Variants in DENND5A observed in about 807,000 individuals in gnomAD.
The protein encoded by DENND5A is DENN domain containing 5A.
A neutral mutation model predicts 140.3 loss-of-function variants in DENND5A; 64 were observed. That is an observed-to-expected ratio of 0.46 (90% CI 0.37 to 0.56). DENND5A has a LOEUF of 0.56. Ranked by LOEUF, DENND5A falls within the 20% of genes least tolerant of loss-of-function variation. The probability of loss-of-function intolerance (pLI) is 0.00; values close to 1 mark genes in which losing one functional copy is unlikely to be tolerated. For missense variants in DENND5A, 1,292 were observed against 1,593.8 expected (o/e 0.81, Z 3.22); for synonymous variants, 605 against 607.7 (o/e 1.00, Z 0.07).
chr11:9,198,394 C>G (rs1404438800), intron 4 of DENND5A, among the ~76,000 whole-genome samples: 1 of 151,300 alleles, frequency 6.6e-6, no homozygotes, highest in Admixed American at 6.6e-5. Flanking sequence ...GGGTGGATCA[C>G]GAGGTCAAGA....
chr11:9,184,658 G>T (rs1221670990), intron 5 of DENND5A, among the ~76,000 whole-genome samples: 1 of 152,134 alleles, frequency 6.6e-6, no homozygotes, highest in Admixed American at 6.5e-5. Context: ...GCATAAAATG[G>T]CACTGCATCG....
At chr11:9,201,193 C>G (rs965393992) in intron 4 of DENND5A, among the ~76,000 whole-genome samples, 5 of 151,546 alleles carry the variant, frequency 3.3e-5, no homozygotes, top group Non-Finnish European at 5.9e-5. Flanking sequence ...AAGCAAGAAC[C>G]TAGCTCTACA....
In DENND5A at chr11:9,145,792, C is replaced by G; in HGVS notation, c.2881G>C (p.Val961Leu). The G allele has an allele frequency of 6.2e-7, 1 of 1,614,104 alleles. No homozygotes were observed. Among genetic ancestry groups the G allele is most frequent in the Admixed American group, 1.7e-5 (1 of 60,018 alleles). Residue 961 changes from valine to leucine, a missense_variant, in exon 17 of 23, where the codon GTA becomes CTA. By Grantham distance (32) the Val-to-Leu change is conservative. This residue lies in a region of DENND5A where 498 missense variants were observed against 689.7 expected (regional missense o/e 0.72). Transcript: ENST00000328194. ...TILIPYHILI[V>L]PSKKLGGSMF... ...GAGCCCCCCAGCTTCTTGCTTGGTA[C>G]GATCAGAATGTGGTACGGGATCACT...
intron 4 of DENND5A, among the ~76,000 whole-genome samples, chr11:9,195,020 CTTT>C (rs574310334): frequency 8.4e-6 from 1 of 119,110 alleles, no homozygotes. Flanking sequence ...CCCAGCCAGC[CTTT>C]TTTTTTTTTT....
At chr11:9,248,324 T>C (rs936835262) in intron 1 of DENND5A, among the ~76,000 whole-genome samples, 2 of 152,024 alleles carry the variant, frequency 1.3e-5, no homozygotes, top group Non-Finnish European at 2.9e-5. Flanking sequence ...TTGTCAGTCT[T>C]ATGATCTCCA....
intron 11 of DENND5A, among the ~76,000 whole-genome samples, chr11:9,164,194 ATTTTTTTTTTTTTTTTTTTTTTT>A (rs779522112): frequency 7.3e-4 from 58 of 79,064 alleles, no homozygotes; most frequent in South Asian, 2.3e-3. Context: ...ACCACGCCTA[ATTTTTTTTTTTTTTTTTTTTTTT>A]TTTTTTTTTT....
At chr11:9,243,466 C>A (rs1276533073) in intron 1 of DENND5A, among the ~76,000 whole-genome samples, 1 of 152,174 alleles carries the variant, frequency 6.6e-6, no homozygotes, top group Non-Finnish European at 1.5e-5. Context: ...CATAGATTTT[C>A]TTCCACCTCT....
At chr11:9,169,495 GCACACACACA>G (rs59297086) in intron 10 of DENND5A, among the ~76,000 whole-genome samples, 29 of 145,714 alleles carry the variant, frequency 2.0e-4, no homozygotes, top group East Asian at 1.0e-3. Flanking sequence ...ATATACACAC[GCACACACACA>G]CACACACACA....
intron 1 of DENND5A, among the ~76,000 whole-genome samples, chr11:9,240,947 A>C (rs1851210071): frequency 6.6e-6 from 1 of 152,186 alleles, no homozygotes; most frequent in African/African-American, 2.4e-5. Context: ...TTCTAAACTT[A>C]AGCAGTCCAA....
chr11:9,218,326 A>G (rs1167888765), intron 1 of DENND5A, among the ~76,000 whole-genome samples: 2 of 152,198 alleles, frequency 1.3e-5, no homozygotes, highest in African/African-American at 4.8e-5. Flanking sequence ...TTAAAACTCA[A>G]CAGAAGAGTT....
At chr11:9,191,978 C>T (rs1223226664) in intron 5 of DENND5A, among the ~76,000 whole-genome samples, 1 of 152,134 alleles carries the variant, frequency 6.6e-6, no homozygotes, top group Admixed American at 6.5e-5. Flanking sequence ...CAAAAAACCC[C>T]AATATTATCT....
rs1847170311 is a variant in DENND5A at position 9,139,680 on chromosome 11, G to A, written c.3855C>T (p.Ile1285=). 5 of 1,613,286 alleles carry A rather than the reference G, an allele frequency of 3.1e-6. No homozygotes were observed. The highest frequency in any genetic ancestry group is 1.7e-4 in the Middle Eastern group (1 of 6,052). The part of the protein sequence containing the change: ...ITLETSLVKG[I]DI ...GGCTGGTGCTGGGAGGTCAGATGTC[G>A]ATGCCCTTGACAAGGGACGTCTCCA... Residue 1285 remains isoleucine, a synonymous_variant, in exon 23 of 23, where the codon ATC becomes ATT. Coordinates refer to ENST00000328194, the MANE Select transcript of DENND5A (RefSeq NM_015213.4).
rs548378061 is a variant in DENND5A, at chr11:9,145,087, A to G, written c.3030T>C (p.Thr1010=). ...FECQNLGKLT[T]VQIGHDNSGL... Reference sequence around the variant, plus strand: ...CAGAGTTATCATGGCCAATCTGGACAGTAGTAAGCTTCCCCAAGTTCTGGC... The same window carrying G: ...CAGAGTTATCATGGCCAATCTGGACGGTAGTAAGCTTCCCCAAGTTCTGGC... The change falls in exon 18 of 23, where the codon ACT becomes ACC. Residue 1010 remains threonine, a synonymous_variant. Coordinates refer to ENST00000328194, the MANE Select transcript of DENND5A (RefSeq NM_015213.4). 28 of 1,614,072 alleles carry G rather than the reference A, an allele frequency of 1.7e-5. No individual in the cohort carries two copies. In the Admixed American group the frequency reaches 3.8e-4, roughly 22 times the overall value.
At chr11:9,194,841 T>C (rs1300181430) in intron 4 of DENND5A, among the ~76,000 whole-genome samples, 1 of 150,664 alleles carries the variant, frequency 6.6e-6, no homozygotes, top group Non-Finnish European at 1.5e-5. Context: ...TGCCTCAGCC[T>C]CCCGAGTAGC....
chr11:9,160,818 T>C lies in DENND5A; in HGVS notation c.2331A>G (p.Leu777=). 6.2e-7 allele frequency: 1 copy of C among 1,614,148 alleles called. No homozygotes were observed. Among genetic ancestry groups the C allele is most frequent in the Non-Finnish European group, 8.5e-7 (1 of 1,179,978 alleles). Residue 777 remains leucine (L), a synonymous_variant, in exon 12 of 23, where the codon CTA becomes CTG. Transcript: ENST00000328194. ...VEKMGREAVE[L]GHGEVNITGV... ...CTGTGATGTTCACCTCCCCATGCCC[T>C]AGCTCCACAGCTTCTCGGCCCATCT...
chr11:9,159,510 G>C (rs1203650239), intron 12 of DENND5A, among the ~76,000 whole-genome samples: 1 of 151,958 alleles, frequency 6.6e-6, no homozygotes, highest in African/African-American at 2.4e-5. Flanking sequence ...TAGAGACGGG[G>C]TTTCACCATG....
intron 1 of DENND5A, among the ~76,000 whole-genome samples, chr11:9,230,855 G>A (rs1850741258): frequency 6.6e-6 from 1 of 152,036 alleles, no homozygotes; most frequent in Admixed American, 6.6e-5. Context: ...TAGGCATGGT[G>A]GCACACATTT....
intron 1 of DENND5A, among the ~76,000 whole-genome samples, chr11:9,262,686 A>G (rs868801051): frequency 1.5e-4 from 23 of 152,308 alleles, no homozygotes; most frequent in African/African-American, 5.5e-4. Flanking sequence ...TACTATAAGA[A>G]TTTGAAGACC....
chr11:9,178,133 T>G lies in DENND5A; in HGVS notation c.1905A>C (p.Ala635=), dbSNP rs202047190. Residue 635 remains alanine, a splice_region_variant and synonymous_variant, in exon 8 of 23, where the codon GCA becomes GCC. Transcript: ENST00000328194. ...MYQKCTTVDE[A]EKAIELRLAK... is the part of the protein sequence containing the mutation. Reference sequence around the variant, plus strand: ...TGTACATTTCCAAGGAGGCCTTACCTGCTTCATCCACAGTGGTACACTTCT... The same window carrying G: ...TGTACATTTCCAAGGAGGCCTTACCGGCTTCATCCACAGTGGTACACTTCT... 1 of 1,609,528 alleles carries G rather than the reference T, an allele frequency of 6.2e-7. No homozygotes were observed. The highest frequency in any genetic ancestry group is 2.2e-5 in the East Asian group (1 of 44,866).
Sources: gnomAD v4.1 joint callset for allele counts (sites outside exome capture counted in the v4.1 genomes callset) on GRCh38, gnomAD v4.1.1 for gene constraint, gnomAD v4.1.1 regional missense constraint, MANE v1.5 for transcripts, NCBI Gene and HGNC (gene_info 2026-07-23, HGNC 2026-07-21) for gene names.